Variants in MSI2 observed in about 807,000 individuals in gnomAD.
MSI2 encodes RNA-binding protein Musashi homolog 2.
In MSI2, 17 loss-of-function variants were observed where a neutral mutation model predicts 45.6. That is an observed-to-expected ratio of 0.37 (90% confidence interval 0.26 to 0.56). The LOEUF is 0.56. Among genes scored for constraint, MSI2 ranks in the 20% least tolerant of loss-of-function variants. MSI2 has a pLI of 0.77. For synonymous variants in MSI2, 156 were observed against 158.2 expected (o/e 0.99, Z 0.11); for missense variants, 293 against 444.2 (o/e 0.66, Z 3.06).
intron 11 of MSI2, among the ~76,000 whole-genome samples, chr17:57,662,220 T>C (rs1050009768): frequency 6.6e-6 from 1 of 152,130 alleles, no homozygotes; most frequent in Non-Finnish European, 1.5e-5. Context: ...TGAACAGCTG[T>C]GATGGGCTGT....
intron 5 of MSI2, among the ~76,000 whole-genome samples, chr17:57,319,873 CA>C (rs960063818): frequency 6.6e-6 from 1 of 152,166 alleles, no homozygotes; most frequent in Non-Finnish European, 1.5e-5. Flanking sequence ...CACAGCCTCC[CA>C]AAGTGCTGGG....
intron 7 of MSI2, among the ~76,000 whole-genome samples, chr17:57,567,859 G>C (rs531291578): frequency 6.6e-6 from 1 of 152,364 alleles, no homozygotes; most frequent in African/African-American, 2.4e-5. Flanking sequence ...GGGAAGGGAG[G>C]AGACAGAAGT....
At chr17:57,500,225 C>T (rs2086072771) in intron 6 of MSI2, among the ~76,000 whole-genome samples, 1 of 152,002 alleles carries the variant, frequency 6.6e-6, no homozygotes, top group African/African-American at 2.4e-5. Flanking sequence ...AGTAGTTTGC[C>T]TGCAGTCACT....
intron 7 of MSI2, among the ~76,000 whole-genome samples, chr17:57,536,481 C>G (rs1304440108): frequency 6.6e-6 from 1 of 152,206 alleles, no homozygotes; most frequent in Admixed American, 6.5e-5. Flanking sequence ...CCACGCTGCC[C>G]TCGTTTGGGG....
chr17:57,395,802 A>G (rs1359267133), intron 5 of MSI2, among the ~76,000 whole-genome samples: 2 of 152,208 alleles, frequency 1.3e-5, no homozygotes, highest in Non-Finnish European at 2.9e-5. Context: ...TTTGTTCTTC[A>G]GTGTCACTGG....
chr17:57,638,618 G>A (rs889159008), intron 10 of MSI2, among the ~76,000 whole-genome samples: 9 of 152,288 alleles, frequency 5.9e-5, no homozygotes, highest in East Asian at 1.9e-4. Context: ...GGCAAGGCAC[G>A]GTGGCTCACT....
Position 57,675,028 on chromosome 17 carries a change from G to C in MSI2, c.847G>C (p.Ala283Pro), listed in dbSNP as rs116924898. Reference protein sequence around the residue: ...FPGANSPGPVADLYGPASQDS... With the variant: ...FPGANSPGPVPDLYGPASQDS... ...GGGGGCCAACAGCCCAGGACCTGTC[G>C]CCGATCTCTACGGCCCTGCCAGCCA... is the stretch of plus-strand genomic sequence containing the variant. Residue 283 changes from alanine (A) to proline (P), a missense_variant, in exon 12 of 14, where the codon GCC (alanine) becomes CCC (proline). Coordinates refer to ENST00000284073, the MANE Select transcript of MSI2 (RefSeq NM_138962.4). The C allele has an allele frequency of 4.0e-5, 65 of 1,613,834 alleles. No homozygotes were observed. Among genetic ancestry groups the C allele is most frequent in the Middle Eastern group, 1.6e-4 (1 of 6,082 alleles).
chr17:57,674,447 C>T (rs890157491), intron 11 of MSI2, among the ~76,000 whole-genome samples: 6 of 151,284 alleles, frequency 4.0e-5, no homozygotes, highest in African/African-American at 9.7e-5. Context: ...TTCCTGGACA[C>T]AAATTGCTTT....
intron 5 of MSI2, among the ~76,000 whole-genome samples, chr17:57,289,169 G>A (rs1910179582): frequency 6.6e-6 from 1 of 152,218 alleles, no homozygotes; most frequent in Non-Finnish European, 1.5e-5. Flanking sequence ...CCCGCAGGTG[G>A]CTAGCCACAT....
intron 6 of MSI2, among the ~76,000 whole-genome samples, chr17:57,426,872 G>A (rs2084502354): frequency 6.6e-6 from 1 of 152,248 alleles, no homozygotes; most frequent in Admixed American, 6.5e-5. Flanking sequence ...TTTTCATGAA[G>A]CATGGCCTGA....
At chr17:57,527,766 G>A (rs559787000) in intron 6 of MSI2, among the ~76,000 whole-genome samples, 25 of 152,322 alleles carry the variant, frequency 1.6e-4, no homozygotes, top group Non-Finnish European at 3.1e-4. Context: ...GTTTATGACC[G>A]GCTTGCCTAC....
chr17:57,334,948 C>CT lies in MSI2; in HGVS notation c.313-66419dup, dbSNP rs199679226. 3.8e-3 allele frequency among the ~76,000 whole-genome samples: 547 copies of CT among 144,440 alleles called. 2 individuals are homozygous for CT. The highest frequency in any genetic ancestry group is 8.5e-3 in the African/African-American group (337 of 39,584). The allele number at this position is 144,440 out of a possible 152,430, so 94.8% of individuals were successfully genotyped here. On this transcript the variant is annotated intron_variant, in intron 5 of 13. Coordinates refer to ENST00000284073, the MANE Select transcript of MSI2 (RefSeq NM_138962.4). Reference sequence around the variant, plus strand: ...AAAGCAGAAAGACTTGAGCAAGTAGCTTTTTTTTTTTTAACCGTGCCCTGT... The same window carrying CT: ...AAAGCAGAAAGACTTGAGCAAGTAGCTTTTTTTTTTTTTAACCGTGCCCTGT...
intron 6 of MSI2, among the ~76,000 whole-genome samples, chr17:57,466,478 CAG>C (rs1389918427): frequency 6.6e-6 from 1 of 152,174 alleles, no homozygotes; most frequent in African/African-American, 2.4e-5. Flanking sequence ...ATATTCCAGA[CAG>C]ATATTGAAAA....
chr17:57,275,292 G>A (rs1433987255), intron 5 of MSI2, among the ~76,000 whole-genome samples: 1 of 152,342 alleles, frequency 6.6e-6, no homozygotes, highest in East Asian at 1.9e-4. Context: ...TAGGAACTGG[G>A]AGCACAGGGC....
rs1339632176 is a variant in MSI2, at chr17:57,552,290, A to C, written c.454+22566A>C. 6.6e-6 allele frequency among the ~76,000 whole-genome samples: 1 copy of C among 152,178 alleles called. No individual in the cohort carries two copies. On this transcript the variant is annotated intron_variant, in intron 7 of 13. Transcript: ENST00000284073. The surrounding 1 kb of genome is among the most constrained non-coding windows in gnomAD (Gnocchi z 4.3). ...TTCAGAGTGATGTTCACTGGTCTGT[A>C]ATTCCTGACTCCCTTCCTGAGAGAG... is the stretch of plus-strand genomic sequence containing the variant.
chr17:57,697,351 C>A, the MSI2 span, among the ~76,000 whole-genome samples: 3 of 151,930 alleles, frequency 2.0e-5, no homozygotes, highest in Admixed American at 2.0e-4. Flanking sequence ...TCACTCACAC[C>A]CATGGCCACT....
At chr17:57,353,225 A>C (rs940320534) in intron 5 of MSI2, among the ~76,000 whole-genome samples, 10 of 152,152 alleles carry the variant, frequency 6.6e-5, no homozygotes, top group African/African-American at 2.4e-4. Context: ...GTTTCCCCAG[A>C]CCATTATCGG....
chr17:57,288,301 T>A (rs577774145), intron 5 of MSI2, among the ~76,000 whole-genome samples: 2 of 152,324 alleles, frequency 1.3e-5, no homozygotes, highest in South Asian at 4.2e-4. Flanking sequence ...ACCCAGCTGT[T>A]GTCGCTGGGA....
At chr17:57,465,455 C>A (rs1219619106) in intron 6 of MSI2, among the ~76,000 whole-genome samples, 1 of 152,148 alleles carries the variant, frequency 6.6e-6, no homozygotes, top group Non-Finnish European at 1.5e-5. Flanking sequence ...TTTTCAGAAG[C>A]TGCTTTGTGT....
Sources: allele counts gnomAD v4.1 joint callset (sites outside exome capture counted in the v4.1 genomes callset), GRCh38; gene constraint gnomAD v4.1.1; non-coding constraint Gnocchi (gnomAD v3.1); transcripts MANE v1.5; gene names NCBI Gene and HGNC (gene_info 2026-07-23, HGNC 2026-07-21).